GALNTL6: variants seen among roughly 807,000 people sequenced by gnomAD.
GALNTL6 encodes polypeptide N-acetylgalactosaminyltransferase-like 6.
In GALNTL6, 46 loss-of-function variants were observed where a neutral mutation model predicts 73.7. The observed-to-expected ratio is 0.62, with a 90% confidence interval of 0.49 to 0.80. GALNTL6 has a LOEUF of 0.80. Among genes scored for constraint, GALNTL6 ranks in the 30% least tolerant of loss-of-function variants. GALNTL6 has a pLI of 0.00. For missense variants in GALNTL6, 604 were observed against 755.0 expected, an observed-to-expected ratio of 0.80 and a Z score of 2.34; for synonymous variants, 259 against 263.7, an observed-to-expected ratio of 0.98 and a Z score of 0.17.
In GALNTL6 at chr4:171,907,689, C is replaced by T. The variant is rs4692642; in HGVS notation, c.138+92971C>T. On this transcript the variant is annotated intron_variant, in intron 2 of 12. Coordinates refer to ENST00000506823, the MANE Select transcript of GALNTL6 (RefSeq NM_001034845.3). ...CAAAAAAGAGCCCACATCGCCAAGT[C>T]AATCCTAAGCCAAAAGAACAAAGCC... 9.7e-4 allele frequency among the ~76,000 whole-genome samples: 145 copies of T among 149,446 alleles called. 1 individual carries two copies. Among genetic ancestry groups the T allele is most frequent in the Admixed American group, 5.6e-3 (84 of 15,088 alleles).
intron 2 of GALNTL6, among the ~76,000 whole-genome samples, chr4:172,190,355 T>G (rs1264931978): frequency 6.6e-6 from 1 of 152,182 alleles, no homozygotes. Flanking sequence ...AGTCATATAT[T>G]GTACTTGTTG....
intron 5 of GALNTL6, among the ~76,000 whole-genome samples, chr4:172,530,580 G>A (rs1735136489): frequency 6.6e-6 from 1 of 152,150 alleles, no homozygotes; most frequent in African/African-American, 2.4e-5. Context: ...GGATAGTAGT[G>A]TTCCCTCACA....
chr4:172,278,956 T>G (rs1176627296), intron 3 of GALNTL6, among the ~76,000 whole-genome samples: 1 of 152,066 alleles, frequency 6.6e-6, no homozygotes, highest in Non-Finnish European at 1.5e-5. Flanking sequence ...GCCAAGAGTA[T>G]TCAGTGGGGA....
intron 9 of GALNTL6, among the ~76,000 whole-genome samples, chr4:172,947,963 A>G (rs989275987): frequency 6.6e-5 from 10 of 152,224 alleles, no homozygotes; most frequent in African/African-American, 2.2e-4. Context: ...TGTGGTACCA[A>G]TGTTTTCCCC....
At chr4:172,181,350 A>G (rs1475191843) in intron 2 of GALNTL6, among the ~76,000 whole-genome samples, 1 of 152,244 alleles carries the variant, frequency 6.6e-6, no homozygotes, top group Non-Finnish European at 1.5e-5. Flanking sequence ...TCACATAAAC[A>G]GAACCAATGA....
Position 172,062,472 on chromosome 4 carries a change from A to G in GALNTL6, c.139-167184A>G, listed in dbSNP as rs147811700. ...TTTCTTACTGCCTTACCTTTCCCCA[A>G]CCTCATGTCCCCAAAACACACACAT... On this transcript the variant is annotated intron_variant, in intron 2 of 12. Transcript: ENST00000506823. Among the ~76,000 whole-genome samples the G allele has an allele frequency of 6.4e-3, 972 of 152,106 alleles. 16 individuals carry two copies. The highest frequency in any genetic ancestry group is 0.022 in the African/African-American group (913 of 41,492).
Position 172,060,269 on chromosome 4 carries a change from T to C in GALNTL6, c.139-169387T>C, listed in dbSNP as rs1008397024. Reference sequence around the variant, plus strand: ...GGCAAAATACAATCAAATATTTCTGTATGTACATACATATATACATGTTTA... The same window carrying C: ...GGCAAAATACAATCAAATATTTCTGCATGTACATACATATATACATGTTTA... On this transcript the variant is annotated intron_variant, in intron 2 of 12. Coordinates refer to ENST00000506823, the MANE Select transcript of GALNTL6 (RefSeq NM_001034845.3). Among the ~76,000 whole-genome samples the C allele has an allele frequency of 3.9e-5, 6 of 152,318 alleles. No homozygotes were observed. The South Asian group carries it at 1.2e-3, about 32-fold the overall frequency.
chr4:172,948,496 G>A (rs1329142428), intron 9 of GALNTL6, among the ~76,000 whole-genome samples: 2 of 151,628 alleles, frequency 1.3e-5, no homozygotes, highest in South Asian at 2.1e-4. Flanking sequence ...TTTTTTGCCC[G>A]GGCTGGAGTG....
At chr4:172,190,200 A>T (rs2110876072) in intron 2 of GALNTL6, among the ~76,000 whole-genome samples, 1 of 152,356 alleles carries the variant, frequency 6.6e-6, no homozygotes, top group East Asian at 1.9e-4. Context: ...TTTAAAAAAT[A>T]AAACAAAAAC....
At chr4:172,180,861 A>G (rs1228953239) in intron 2 of GALNTL6, among the ~76,000 whole-genome samples, 2 of 152,140 alleles carry the variant, frequency 1.3e-5, no homozygotes, top group African/African-American at 2.4e-5. Flanking sequence ...GCCTTATAGC[A>G]TAGTTTGAAG....
chr4:172,651,614 A>G (rs1740479277), intron 5 of GALNTL6, among the ~76,000 whole-genome samples: 1 of 152,232 alleles, frequency 6.6e-6, no homozygotes, highest in East Asian at 1.9e-4. Flanking sequence ...ACCTTATTTC[A>G]TCATATATAA....
chr4:171,984,782 C>T (rs1277556142), intron 2 of GALNTL6, among the ~76,000 whole-genome samples: 2 of 151,960 alleles, frequency 1.3e-5, no homozygotes, highest in Non-Finnish European at 2.9e-5. Flanking sequence ...AGTCTGGGTC[C>T]CATGAATTAT....
intron 5 of GALNTL6, among the ~76,000 whole-genome samples, chr4:172,702,491 C>T (rs2111295177): frequency 6.6e-6 from 1 of 151,900 alleles, no homozygotes; most frequent in Middle Eastern, 3.4e-3. Flanking sequence ...AATGTCAGTT[C>T]CCCCCACCCC....
rs149707661 is a variant in GALNTL6, at chr4:171,829,600, A to G, written c.138+14882A>G. 2.8e-4 allele frequency among the ~76,000 whole-genome samples: 43 copies of G among 152,060 alleles called. No individual in the cohort carries two copies. In the East Asian group the frequency reaches 7.8e-3, roughly 27 times the overall value. On this transcript the variant is annotated intron_variant, in intron 2 of 12. Transcript: ENST00000506823. Reference sequence around the variant, plus strand: ...TTTTCTCTGCAGTTTTGCCTGGTTAATTTCTACTTTTCGTCAAGCGGTCTC... The same window carrying G: ...TTTTCTCTGCAGTTTTGCCTGGTTAGTTTCTACTTTTCGTCAAGCGGTCTC...
At chr4:172,711,037 C>A (rs183769943) in intron 5 of GALNTL6, among the ~76,000 whole-genome samples, 1 of 152,178 alleles carries the variant, frequency 6.6e-6, no homozygotes, top group Non-Finnish European at 1.5e-5. Flanking sequence ...GAGAGCAAGA[C>A]CCTTCTTAAT....
At chr4:171,955,319 A>G (rs2111037668) in intron 2 of GALNTL6, among the ~76,000 whole-genome samples, 1 of 152,140 alleles carries the variant, frequency 6.6e-6, no homozygotes, top group South Asian at 2.1e-4. Context: ...TTCATATAAT[A>G]TATATACACC....
At chr4:172,313,467 T>A (rs1444372714) in intron 4 of GALNTL6, among the ~76,000 whole-genome samples, 2 of 151,996 alleles carry the variant, frequency 1.3e-5, no homozygotes, top group African/African-American at 4.8e-5. Context: ...TGTATTCAAG[T>A]GGAAATAATG....
At chr4:172,792,632 T>A (rs1007172223) in intron 5 of GALNTL6, among the ~76,000 whole-genome samples, 2 of 151,408 alleles carry the variant, frequency 1.3e-5, no homozygotes, top group South Asian at 4.2e-4. Flanking sequence ...CATTTTTGAT[T>A]TCCTCTGGAT....
intron 8 of GALNTL6, among the ~76,000 whole-genome samples, chr4:172,930,626 T>G (rs1392964915): frequency 6.6e-6 from 1 of 152,214 alleles, no homozygotes; most frequent in Non-Finnish European, 1.5e-5. Flanking sequence ...ACTAGAATTT[T>G]TCTTAAGCCA....
Sources: gnomAD v4.1 joint callset for allele counts (sites outside exome capture counted in the v4.1 genomes callset) on GRCh38, gnomAD v4.1.1 for gene constraint, MANE v1.5 for transcripts, NCBI Gene and HGNC (gene_info 2026-07-23, HGNC 2026-07-21) for gene names.